The following SFXN5 variants were observed in gnomAD, a reference collection of about 807,000 sequenced individuals.
SFXN5 encodes the protein sideroflexin-5.
SFXN5 carries 43 observed loss-of-function variants against 50.2 expected under a neutral mutation model. The ratio of observed to expected loss-of-function variants is 0.86; its 90% CI spans 0.67 to 1.11. The LOEUF (loss-of-function observed/expected upper bound fraction) is 1.11. Among genes scored for constraint, SFXN5 ranks in the 50% least tolerant of loss-of-function variants. SFXN5 has a pLI of 0.00. For missense variants in SFXN5, 463 were observed against 454.1 expected, an observed-to-expected ratio of 1.02 and a Z score of -0.18; for synonymous variants, 203 against 185.8, an observed-to-expected ratio of 1.09 and a Z score of -0.75.
In SFXN5 at chr2:72,944,734, A is replaced by G. The variant is rs914986087; in HGVS notation, c.*288T>C. 2.6e-5 allele frequency: 10 copies of G among 379,756 alleles called. No individual in the cohort carries two copies. Among genetic ancestry groups the G allele is most frequent in the African/African-American group, 1.6e-4 (8 of 48,500 alleles). 23.5% of individuals were successfully genotyped at this position (379,756 alleles called of 1,614,324 possible). A position where few individuals can be genotyped will look rare whatever the true frequency, so the allele number is the denominator to read the frequency against. ...ACTTCTACCCCATGGGCACTCTACA[A>G]TTTTTCAGCTTCACACATAATTGTG... On this transcript the variant is annotated 3_prime_UTR_variant, in exon 14 of 14. Coordinates refer to ENST00000272433, the MANE Select transcript of SFXN5 (RefSeq NM_144579.3).
intron 12 of SFXN5, among the ~76,000 whole-genome samples, chr2:72,966,579 C>T (rs1312873461): frequency 6.6e-6 from 1 of 152,200 alleles, no homozygotes; most frequent in Non-Finnish European, 1.5e-5. Context: ...AGAGCCTCCG[C>T]CCTCTTCTAG....
In SFXN5 at chr2:72,973,403, AG is replaced by A. The variant is rs372129400; in HGVS notation, c.626-1719del. 31 of 169,268 alleles carry A rather than the reference AG, an allele frequency of 1.8e-4. No homozygotes were observed. The East Asian group carries it at 4.3e-3, about 23-fold the overall frequency. 10.5% of individuals were successfully genotyped at this position (169,268 alleles called of 1,614,324 possible). On this transcript the variant is annotated intron_variant, in intron 10 of 13. Coordinates refer to ENST00000272433, the MANE Select transcript of SFXN5 (RefSeq NM_144579.3). This position sits in a 1 kb window ranked among gnomAD's most constrained non-coding sequence, Gnocchi z 5.5. ...AGGGCATTTTCAGTGATTGTGATCT[AG>A]GGGTCAGGGGTTGCTGCAGGCATCT...
At chr2:73,044,308 A>T (rs1400991631) in intron 2 of SFXN5, among the ~76,000 whole-genome samples, 1 of 152,228 alleles carries the variant, frequency 6.6e-6, no homozygotes, top group Non-Finnish European at 1.5e-5. Flanking sequence ...AGGAAGCTGG[A>T]ACCTGCTTTT....
chr2:73,067,865 T>C (rs983226919), intron 1 of SFXN5, among the ~76,000 whole-genome samples: 1 of 152,210 alleles, frequency 6.6e-6, no homozygotes, highest in African/African-American at 2.4e-5. Flanking sequence ...ACAGACTGCC[T>C]GGGAATTTAC....
chr2:73,013,406 C>CGTGT (rs61590375), intron 6 of SFXN5, among the ~76,000 whole-genome samples: 9,020 of 139,706 alleles, frequency 0.065, 309 homozygotes, highest in East Asian at 0.11. Context: ...AGGGATATTT[C>CGTGT]GTGTGTGTGT....
chr2:73,042,470 G>C (rs1574207628), intron 2 of SFXN5: 1 of 152,036 alleles, frequency 6.6e-6, no homozygotes, highest in Admixed American at 6.6e-5. Context: ...AAAATTAGCA[G>C]GGCATGGTGG....
chr2:73,010,789 A>G (rs1413138954), intron 6 of SFXN5, among the ~76,000 whole-genome samples: 2 of 152,230 alleles, frequency 1.3e-5, no homozygotes, highest in South Asian at 2.1e-4. Context: ...CTAATTGACT[A>G]AAGAGGATTT....
chr2:73,067,328 G>A (rs995121855), intron 1 of SFXN5, among the ~76,000 whole-genome samples: 1 of 152,188 alleles, frequency 6.6e-6, no homozygotes, highest in Non-Finnish European at 1.5e-5. Context: ...AAAGAGACAT[G>A]ATGACTAAAT....
chr2:72,961,284 G>A lies in SFXN5; in HGVS notation c.828-36C>T, dbSNP rs542792237. 9.1e-6 allele frequency: 13 copies of A among 1,434,996 alleles called. No homozygotes were observed. The highest frequency in any genetic ancestry group is 8.1e-5 in the South Asian group (6 of 73,896). 88.9% of individuals were successfully genotyped at this position (1,434,996 alleles called of 1,614,324 possible). A position where few individuals can be genotyped will look rare whatever the true frequency, so the allele number is the denominator to read the frequency against. On this transcript the variant is annotated intron_variant, in intron 12 of 13. Coordinates refer to ENST00000272433, the MANE Select transcript of SFXN5 (RefSeq NM_144579.3). The surrounding 1 kb of genome is among the most constrained non-coding windows in gnomAD (Gnocchi z 4.4). ...GAGAGGAGGGAGCCCCATGAGACCC[G>A]AAGGTGGGGTGGGCTGGCTGCCAGC... is the stretch of plus-strand genomic sequence containing the variant.
chr2:72,975,825 C>T (rs1574007484), intron 10 of SFXN5, among the ~76,000 whole-genome samples: 1 of 152,188 alleles, frequency 6.6e-6, no homozygotes, highest in East Asian at 1.9e-4. Context: ...TGCAGAAGAT[C>T]GTCTGCCAGA....
intron 2 of SFXN5, among the ~76,000 whole-genome samples, chr2:73,047,054 A>G (rs1363851534): frequency 3.3e-5 from 5 of 149,384 alleles, no homozygotes; most frequent in Admixed American, 6.7e-5. Context: ...GTGAAACTCC[A>G]TCTCTACTTA....
In SFXN5 at chr2:73,006,068, G is replaced by A. The variant is rs149581342; in HGVS notation, c.358-4490C>T. On this transcript the variant is annotated intron_variant, in intron 6 of 13. Coordinates refer to ENST00000272433, the MANE Select transcript of SFXN5 (RefSeq NM_144579.3). ...TAACTTGCTCTGACTGACAGCACGTGGGAGGACGTGGCAGCGTGTCAGTTC... is the reference window on the plus strand; with the variant it reads ...TAACTTGCTCTGACTGACAGCACGTAGGAGGACGTGGCAGCGTGTCAGTTC... Among the ~76,000 whole-genome samples, 193 of 152,266 alleles carry A rather than the reference G, an allele frequency of 1.3e-3. 1 individual carries two copies. Among genetic ancestry groups the A allele is most frequent in the Non-Finnish European group, 1.9e-3 (130 of 68,022 alleles).
rs1050003718 is a variant in SFXN5, at chr2:72,952,129, C to G, written c.946-7030G>C. Among the ~76,000 whole-genome samples, 12 of 152,230 alleles carry G rather than the reference C, an allele frequency of 7.9e-5. No homozygotes were observed. The South Asian group carries it at 2.5e-3, about 32-fold the overall frequency. ...TGGCTCTGGGCTCCCACTACCTTCT[C>G]AGTGAAAGAACCCTCAGCTGGACAC... On this transcript the variant is annotated intron_variant, in intron 13 of 13. Coordinates refer to ENST00000272433, the MANE Select transcript of SFXN5 (RefSeq NM_144579.3).
At chr2:72,987,801 T>C (rs1192492457) in intron 10 of SFXN5, among the ~76,000 whole-genome samples, 2 of 152,150 alleles carry the variant, frequency 1.3e-5, no homozygotes, top group Non-Finnish European at 2.9e-5. Context: ...TATGAATTAG[T>C]GTTGAGCATA....
At chr2:73,036,023 C>T (rs1167510227) in intron 3 of SFXN5, among the ~76,000 whole-genome samples, 1 of 152,232 alleles carries the variant, frequency 6.6e-6, no homozygotes, top group Non-Finnish European at 1.5e-5. Flanking sequence ...GACAGGCCTG[C>T]AGGCCTCAGG....
intron 1 of SFXN5, among the ~76,000 whole-genome samples, chr2:73,061,525 AAG>A (rs1296591430): frequency 6.6e-6 from 1 of 152,146 alleles, no homozygotes; most frequent in Non-Finnish European, 1.5e-5. Context: ...CCTGTAGACA[AAG>A]AGAATAATAA....
At chr2:73,029,461 A>C (rs1678018493) in intron 3 of SFXN5, among the ~76,000 whole-genome samples, 1 of 152,160 alleles carries the variant, frequency 6.6e-6, no homozygotes, top group South Asian at 2.1e-4. Context: ...TCATCTTTCA[A>C]AGTAACTTCA....
Position 73,059,806 on chromosome 2 carries a change from G to T in SFXN5, c.103-1210C>A. On this transcript the variant is annotated intron_variant, in intron 1 of 13. Coordinates refer to ENST00000272433, the MANE Select transcript of SFXN5 (RefSeq NM_144579.3). Reference sequence around the variant, plus strand: ...ATACATAAGGGAGGCTCACAATGCTGTCCTGGCAAAATTTCACCTCTGAGA... The same window carrying T: ...ATACATAAGGGAGGCTCACAATGCTTTCCTGGCAAAATTTCACCTCTGAGA... The T allele has an allele frequency of 5.1e-6, 5 of 980,216 alleles. 1 individual carries two copies. The highest frequency in any genetic ancestry group is 4.8e-6 in the Non-Finnish European group (4 of 826,370). The allele number at this position is 980,216 out of a possible 1,614,324, so 60.7% of individuals were successfully genotyped here.
chr2:73,071,492 G>C lies in SFXN5; in HGVS notation c.102+112C>G, dbSNP rs919484445. 1.0e-5 allele frequency: 10 copies of C among 964,518 alleles called. No homozygotes were observed. The African/African-American group carries it at 1.6e-4, about 16-fold the overall frequency. 59.7% of individuals were successfully genotyped at this position (964,518 alleles called of 1,614,324 possible). ...GGTTCCCCCCCTGGCGCTAGCTGCA[G>C]GCTCCGCTGGCCGCGGGTGGGAGAC... On this transcript the variant is annotated intron_variant, in intron 1 of 13. Transcript: ENST00000272433.
Sources: gnomAD v4.1 joint callset for allele counts (sites outside exome capture counted in the v4.1 genomes callset) on GRCh38, gnomAD v4.1.1 for gene constraint, Gnocchi (gnomAD v3.1) non-coding constraint, MANE v1.5 for transcripts, NCBI Gene and HGNC (gene_info 2026-07-23, HGNC 2026-07-21) for gene names.